Variants in TMED8 observed in about 807,000 individuals in gnomAD.
The protein encoded by TMED8 is protein TMED8.
In TMED8, 15 loss-of-function variants were observed where a neutral mutation model predicts 32.7. The ratio of observed to expected loss-of-function variants is 0.46; its 90% CI spans 0.31 to 0.71. The LOEUF (loss-of-function observed/expected upper bound fraction) is 0.71, where lower values mean the gene tolerates loss of function less well. TMED8 is among the 30% of genes least tolerant of loss of function. TMED8 has a pLI of 0.06. For synonymous variants in TMED8, 147 were observed against 161.4 expected (o/e 0.91, Z 0.68); for missense variants, 390 against 423.9 (o/e 0.92, Z 0.70).
rs1483664115 is a variant in TMED8, at chr14:77,340,932, A to AG, written c.*838_*839insC. 1.1e-5 allele frequency: 1 copy of AG among 88,578 alleles called. No individual in the cohort carries two copies. The highest frequency in any genetic ancestry group is 2.6e-5 in the Non-Finnish European group (1 of 38,708). 5.5% of individuals were successfully genotyped at this position (88,578 alleles called of 1,614,324 possible). A position where few individuals can be genotyped will look rare whatever the true frequency, so the allele number is the denominator to read the frequency against. On this transcript the variant is annotated 3_prime_UTR_variant, in exon 6 of 6. Coordinates refer to ENST00000216468, the MANE Select transcript of TMED8 (RefSeq NM_213601.3). ...TACCATTCCTTCTTTGATTATACCAAAAAAAAAAAAAAAAGTAACACGACT... is the reference window on the plus strand; with the variant it reads ...TACCATTCCTTCTTTGATTATACCAAGAAAAAAAAAAAAAAGTAACACGACT...
In TMED8 at chr14:77,341,682, C is replaced by G. The variant is rs1189450313; in HGVS notation, c.*89G>C. The stretch of plus-strand genomic sequence containing the variant: ...TGAGGCTCAGCAGCCCCCCATGAAC[C>G]TTTGGCTCTTGCCTATCCCAAACAA... On this transcript the variant is annotated 3_prime_UTR_variant, in exon 6 of 6. Coordinates refer to ENST00000216468, the MANE Select transcript of TMED8 (RefSeq NM_213601.3). 1 of 1,332,238 alleles carries G rather than the reference C, an allele frequency of 7.5e-7. No homozygotes were observed. The highest frequency in any genetic ancestry group is 1.8e-5 in the Admixed American group (1 of 56,174). 82.5% of individuals were successfully genotyped at this position (1,332,238 alleles called of 1,614,324 possible). A position where few individuals can be genotyped will look rare whatever the true frequency, so the allele number is the denominator to read the frequency against.
intron 1 of TMED8, among the ~76,000 whole-genome samples, chr14:77,373,840 TCTCA>T (rs1354050701): frequency 1.3e-5 from 2 of 152,144 alleles, no homozygotes; most frequent in Admixed American, 1.3e-4. Flanking sequence ...ATAAGTGAGT[TCTCA>T]CTCAGTTAGT....
chr14:77,368,831 A>T (rs1020935576), intron 1 of TMED8, among the ~76,000 whole-genome samples: 3 of 152,184 alleles, frequency 2.0e-5, no homozygotes, highest in Admixed American at 1.3e-4. Context: ...TATATGTATT[A>T]TAATTACCTG....
chr14:77,372,925 TATATATATATATATATATATA>T (rs1566696262), intron 1 of TMED8, among the ~76,000 whole-genome samples: 73 of 29,042 alleles, frequency 2.5e-3, no homozygotes, highest in Non-Finnish European at 3.9e-3. Flanking sequence ...TATATATATA[TATATATATATATATATATATA>T]TATATATTTT....
intron 1 of TMED8, among the ~76,000 whole-genome samples, chr14:77,365,663 A>C (rs1893536907): frequency 6.6e-6 from 1 of 152,242 alleles, no homozygotes; most frequent in East Asian, 1.9e-4. Context: ...CTTGATACTT[A>C]ACCAAATTCC....
chr14:77,345,947 C>T (rs1468031863), intron 3 of TMED8, among the ~76,000 whole-genome samples: 22 of 127,604 alleles, frequency 1.7e-4, no homozygotes, highest in Admixed American at 1.9e-4. Context: ...CCAGCCTGGG[C>T]GACAGAGGGA....
In TMED8 at chr14:77,338,073, C is replaced by G. The variant is rs1029767731; in HGVS notation, c.*3698G>C. On this transcript the variant is annotated 3_prime_UTR_variant, in exon 6 of 6. Transcript: ENST00000216468. ...AGATTACAGGGTGCCTCATATTACC[C>G]TCTTCCCTTTGGAATTTAAATACAA... 6.6e-6 allele frequency: 1 copy of G among 152,120 alleles called. No homozygotes were observed. Among genetic ancestry groups the G allele is most frequent in the South Asian group, 2.1e-4 (1 of 4,832 alleles). 9.4% of individuals were successfully genotyped at this position (152,120 alleles called of 1,614,324 possible). A position where few individuals can be genotyped will look rare whatever the true frequency, so the allele number is the denominator to read the frequency against.
chr14:77,342,109 AT>A, intron 5 of TMED8, 121 bp from the exon 6 acceptor site: 1 of 752,002 alleles, frequency 1.3e-6, no homozygotes, highest in East Asian at 2.7e-5. Flanking sequence ...TCCTACAGAC[AT>A]TTGGAAATGT....
rs148624835 is a variant in TMED8 at position 77,376,038 on chromosome 14, A to C, written c.118+898T>G. 6.6e-6 allele frequency among the ~76,000 whole-genome samples: 1 copy of C among 152,362 alleles called. No individual in the cohort carries two copies. Among genetic ancestry groups the C allele is most frequent in the African/African-American group, 2.4e-5 (1 of 41,582 alleles). On this transcript the variant is annotated intron_variant, in intron 1 of 5. Transcript: ENST00000216468. The surrounding 1 kb of genome is among the most constrained non-coding windows in gnomAD (Gnocchi z 4.0). ...TTTTAATTTCAGACCTAGAAAATTA[A>C]TTTATATTTGCTACTTAAATAAGAC...
chr14:77,339,415 G>T lies in TMED8; in HGVS notation c.*2356C>A, dbSNP rs2139597350. On this transcript the variant is annotated 3_prime_UTR_variant, in exon 6 of 6. Transcript: ENST00000216468. ...TAGGATTCCAAAGAAAATAAGCAGAGAATCTCATGGTGAAAATAAATAATA... is the reference window on the plus strand; with the variant it reads ...TAGGATTCCAAAGAAAATAAGCAGATAATCTCATGGTGAAAATAAATAATA... 6.6e-6 allele frequency: 1 copy of T among 152,306 alleles called. No homozygotes were observed. The highest frequency in any genetic ancestry group is 1.9e-4 in the East Asian group (1 of 5,192). 9.4% of individuals were successfully genotyped at this position (152,306 alleles called of 1,614,324 possible).
intron 3 of TMED8, among the ~76,000 whole-genome samples, chr14:77,345,250 G>A (rs375360175): frequency 2.6e-5 from 4 of 152,140 alleles, no homozygotes; most frequent in Non-Finnish European, 4.4e-5. Flanking sequence ...GCCTCCCAAA[G>A]TGCTGGGATT....
intron 2 of TMED8, among the ~76,000 whole-genome samples, chr14:77,347,378 G>T (rs530272716): frequency 1.3e-5 from 2 of 152,182 alleles, no homozygotes; most frequent in Admixed American, 1.3e-4. Flanking sequence ...AGTGCTAGGG[G>T]TCATCACTTT....
Position 77,376,853 on chromosome 14 carries a change from C to A in TMED8, c.118+83G>T, listed in dbSNP as rs1893830293. On this transcript the variant is annotated intron_variant, in intron 1 of 5. Coordinates refer to ENST00000216468, the MANE Select transcript of TMED8 (RefSeq NM_213601.3). This position sits in a 1 kb window ranked among gnomAD's most constrained non-coding sequence, Gnocchi z 4.0. Reference sequence around the variant, plus strand: ...GTCCGCTCCGCGGGGAAGCCCAGGACAGAGCGCGGCGGAGGCTCGCGCCGT... The same window carrying A: ...GTCCGCTCCGCGGGGAAGCCCAGGAAAGAGCGCGGCGGAGGCTCGCGCCGT... The A allele has an allele frequency of 3.2e-6, 3 of 924,830 alleles. No homozygotes were observed. The highest frequency in any genetic ancestry group is 4.4e-6 in the Non-Finnish European group (3 of 680,836). The allele number at this position is 924,830 out of a possible 1,614,324, so 57.3% of individuals were successfully genotyped here.
intron 1 of TMED8, among the ~76,000 whole-genome samples, chr14:77,358,379 G>A (rs1893346925): frequency 6.6e-6 from 1 of 151,224 alleles, no homozygotes; most frequent in Non-Finnish European, 1.5e-5. Flanking sequence ...TCTGCTCACT[G>A]CAACCTCCAC....
intron 1 of TMED8, chr14:77,359,315 T>G (rs540800928): frequency 2.3e-5 from 4 of 176,122 alleles, no homozygotes; most frequent in East Asian, 1.8e-4. Context: ...CGGAAGCTCC[T>G]GCACTCAGGA....
At chr14:77,342,409 T>C (rs901821384) in intron 5 of TMED8, among the ~76,000 whole-genome samples, 1 of 151,798 alleles carries the variant, frequency 6.6e-6, no homozygotes, top group African/African-American at 2.4e-5. Flanking sequence ...GAATTGCAGA[T>C]AAACGTGCTA....
At chr14:77,358,485 G>C (rs1268267142) in intron 1 of TMED8, among the ~76,000 whole-genome samples, 1 of 151,884 alleles carries the variant, frequency 6.6e-6, no homozygotes, top group African/African-American at 2.4e-5. Flanking sequence ...TTTTAGTAGA[G>C]ACAGGGTTTC....
intron 1 of TMED8, chr14:77,359,853 C>A: frequency 5.5e-6 from 1 of 181,228 alleles, no homozygotes; most frequent in Non-Finnish European, 1.2e-5. Context: ...AAAAAATTTA[C>A]AGTTCTCAGC....
At position 77,343,765 on chromosome 14, in the gene TMED8, T is replaced by C. The variant is rs1354229540; in HGVS notation, c.386A>G (p.His129Arg). The C allele has an allele frequency of 5.6e-6, 9 of 1,614,238 alleles. No individual in the cohort carries two copies. Among genetic ancestry groups the C allele is most frequent in the Admixed American group, 1.7e-5 (1 of 60,034 alleles). ...SGDIVMIQSE[H>R]TGAIDVLSAD... ...TGAAAGAACATCTATAGCTCCTGTATGTTCAGACTGGATCATAACGATGTC... is the reference window on the plus strand; with the variant it reads ...TGAAAGAACATCTATAGCTCCTGTACGTTCAGACTGGATCATAACGATGTC... The change falls in exon 4 of 6, where the codon CAT becomes CGT. Residue 129 changes from histidine (H) to arginine (R), a missense_variant. Transcript: ENST00000216468.
Sources: allele counts gnomAD v4.1 joint callset (sites outside exome capture counted in the v4.1 genomes callset), GRCh38; gene constraint gnomAD v4.1.1; non-coding constraint Gnocchi (gnomAD v3.1); transcripts MANE v1.5; gene names NCBI Gene and HGNC (gene_info 2026-07-23, HGNC 2026-07-21).